Variants in KCNN2 observed in about 807,000 individuals in gnomAD.
KCNN2 encodes small conductance calcium-activated potassium channel protein 2.
A neutral mutation model predicts 55.5 loss-of-function variants in KCNN2; 24 were observed. The observed-to-expected ratio is 0.43, with a 90% CI of 0.31 to 0.61. The LOEUF is 0.61. Ranked by LOEUF, KCNN2 falls within the 20% of genes least tolerant of loss-of-function variation. The probability of loss-of-function intolerance (pLI) is 0.08; values close to 1 mark genes in which losing one functional copy is unlikely to be tolerated. For missense variants in KCNN2, 754 were observed against 853.6 expected, an observed-to-expected ratio of 0.88 and a Z score of 1.45; for synonymous variants, 431 against 336.1, an observed-to-expected ratio of 1.28 and a Z score of -3.09.
chr5:114,135,198 T>A (rs1443648863), intron 1 of KCNN2, among the ~76,000 whole-genome samples: 20 of 151,988 alleles, frequency 1.3e-4, no homozygotes, highest in Admixed American at 1.3e-3. Flanking sequence ...CAGGAATTGT[T>A]AACCTTAGAT....
chr5:114,449,335 C>T (rs116121354), intron 3 of KCNN2, among the ~76,000 whole-genome samples: 8 of 152,274 alleles, frequency 5.3e-5, no homozygotes, highest in Non-Finnish European at 1.0e-4. Context: ...ACCAAAGCTG[C>T]GCATACTCTG....
intron 1 of KCNN2, among the ~76,000 whole-genome samples, chr5:114,148,242 G>A (rs1220068228): frequency 6.6e-6 from 1 of 152,116 alleles, no homozygotes; most frequent in Non-Finnish European, 1.5e-5. Flanking sequence ...CTTAGGAATC[G>A]TGGAGGGGGA....
At chr5:114,195,799 C>T (rs1303101976) in intron 1 of KCNN2, among the ~76,000 whole-genome samples, 2 of 152,050 alleles carry the variant, frequency 1.3e-5, no homozygotes, top group East Asian at 3.9e-4. Context: ...AATTTTTCAC[C>T]ATTAAATATG....
chr5:114,329,364 G>T (rs1756766900), intron 2 of KCNN2, among the ~76,000 whole-genome samples: 1 of 152,176 alleles, frequency 6.6e-6, no homozygotes, highest in Admixed American at 6.6e-5. Flanking sequence ...CAATCTGTGT[G>T]GGCATCATCT....
Position 114,076,985 on chromosome 5 carries a change from G to A in KCNN2, c.-271+20485G>A, listed in dbSNP as rs189982920. On this transcript the variant is annotated intron_variant, in intron 1 of 10. Transcript: ENST00000512097. ...GATGGGATTACAGGCATGAGCCACC[G>A]CGCCCGGCCAAGAACTTTTTAATAG... Among the ~76,000 whole-genome samples the A allele has an allele frequency of 2.9e-3, 438 of 152,288 alleles. 2 individuals carry two copies. The highest frequency in any genetic ancestry group is 4.4e-3 in the Non-Finnish European group (300 of 68,018).
At chr5:114,074,299 T>C (rs966712463) in intron 1 of KCNN2, among the ~76,000 whole-genome samples, 1 of 110,316 alleles carries the variant, frequency 9.1e-6, no homozygotes, top group Non-Finnish European at 2.0e-5. Context: ...TTTGCGTGTG[T>C]GTGTGTGTGT....
intron 3 of KCNN2, among the ~76,000 whole-genome samples, chr5:114,414,478 A>C (rs1290730519): frequency 6.6e-6 from 1 of 152,142 alleles, no homozygotes; most frequent in Non-Finnish European, 1.5e-5. Flanking sequence ...CTGGTAGAGC[A>C]ATGTCTAGTC....
At position 114,162,454 on chromosome 5, in the gene KCNN2, C is replaced by T. The variant is rs190102253; in HGVS notation, c.-270-59026C>T. On this transcript the variant is annotated intron_variant, in intron 1 of 10. Coordinates refer to the KCNN2 transcript ENST00000512097. Reference sequence around the variant, plus strand: ...AGTTAGGCTACTCAGGGGTCAGGGACCCACTTGAGGAGGCAGTCTGCCCTT... The same window carrying T: ...AGTTAGGCTACTCAGGGGTCAGGGATCCACTTGAGGAGGCAGTCTGCCCTT... Among the ~76,000 whole-genome samples the T allele has an allele frequency of 2.4e-3, 366 of 152,280 alleles. 3 individuals carry two copies. Among genetic ancestry groups the T allele is most frequent in the African/African-American group, 8.5e-3 (352 of 41,572 alleles).
At chr5:114,272,840 CT>C (rs778709224) in intron 2 of KCNN2, among the ~76,000 whole-genome samples, 81 of 152,144 alleles carry the variant, frequency 5.3e-4, no homozygotes, top group Middle Eastern at 3.4e-3. Context: ...ACTGCAAAAA[CT>C]TGTCTCATTC....
chr5:114,256,891 G>A (rs531136122), intron 2 of KCNN2, among the ~76,000 whole-genome samples: 3 of 152,040 alleles, frequency 2.0e-5, no homozygotes, highest in East Asian at 3.9e-4. Context: ...TCTATTTTTG[G>A]TTTTGTTGCA....
chr5:114,287,579 C>T (rs917597373), intron 2 of KCNN2, among the ~76,000 whole-genome samples: 16 of 149,934 alleles, frequency 1.1e-4, no homozygotes, highest in South Asian at 1.1e-3. Flanking sequence ...AGGGGAACAA[C>T]ACACATTGGG....
chr5:114,431,158 G>C (rs889386751), intron 3 of KCNN2, among the ~76,000 whole-genome samples: 11 of 152,070 alleles, frequency 7.2e-5, no homozygotes, highest in Non-Finnish European at 2.9e-5. Flanking sequence ...ACGTTGTAGA[G>C]AATTAGTATA....
intron 2 of KCNN2, among the ~76,000 whole-genome samples, chr5:114,380,863 G>A (rs1758099520): frequency 6.6e-6 from 1 of 152,158 alleles, no homozygotes; most frequent in Non-Finnish European, 1.5e-5. Flanking sequence ...ATCAGACTCT[G>A]TCTCTCAGTT....
intron 1 of KCNN2, among the ~76,000 whole-genome samples, chr5:114,069,114 C>T (rs1212516349): frequency 6.6e-6 from 1 of 152,092 alleles, no homozygotes; most frequent in African/African-American, 2.4e-5. Context: ...CGCACCCTGC[C>T]AATTGCTTGC....
chr5:114,073,207 C>G (rs1346859691), intron 1 of KCNN2, among the ~76,000 whole-genome samples: 1 of 152,182 alleles, frequency 6.6e-6, no homozygotes, highest in Non-Finnish European at 1.5e-5. Context: ...ATCAGATGTG[C>G]CCTAGAGATT....
At chr5:114,458,401 A>G (rs1345904017) in intron 3 of KCNN2, among the ~76,000 whole-genome samples, 5 of 152,204 alleles carry the variant, frequency 3.3e-5, no homozygotes, top group African/African-American at 1.2e-4. Context: ...TAACACGACA[A>G]ATCCAATTTA....
chr5:114,267,687 G>A (rs542479517), intron 2 of KCNN2, among the ~76,000 whole-genome samples: 135 of 152,172 alleles, frequency 8.9e-4, no homozygotes, highest in South Asian at 2.1e-3. Flanking sequence ...TAAATAAAAA[G>A]TATTTTATTT....
chr5:114,112,555 T>G (rs1008487786), intron 1 of KCNN2, among the ~76,000 whole-genome samples: 6 of 152,132 alleles, frequency 3.9e-5, no homozygotes, highest in African/African-American at 7.2e-5. Context: ...TTTTATTTTT[T>G]TCACCAATCA....
intron 2 of KCNN2, among the ~76,000 whole-genome samples, chr5:114,255,321 A>G (rs147411482): frequency 1.6e-4 from 24 of 152,310 alleles, no homozygotes; most frequent in African/African-American, 5.8e-4. Flanking sequence ...GCTGAAGGAG[A>G]TAGGGTTTGG....
Sources: allele counts gnomAD v4.1 joint callset (sites outside exome capture counted in the v4.1 genomes callset), GRCh38; gene constraint gnomAD v4.1.1; transcripts MANE v1.5; gene names NCBI Gene and HGNC (gene_info 2026-07-23, HGNC 2026-07-21).